Variants in CLNK observed in about 807,000 individuals in gnomAD.
CLNK encodes cytokine-dependent hematopoietic cell linker.
CLNK carries 74 observed loss-of-function variants against 68.6 expected under a neutral mutation model. The ratio of observed to expected loss-of-function variants is 1.08; its 90% CI spans 0.89 to 1.31. CLNK has a LOEUF of 1.31. Among genes scored for constraint, CLNK ranks in the 50% most tolerant of loss-of-function variants. CLNK has a pLI of 0.00. For missense variants in CLNK, 553 were observed against 515.3 expected (o/e 1.07, Z -0.71); for synonymous variants, 198 against 172.2 (o/e 1.15, Z -1.17).
chr4:10,539,288 T>C (rs1455197659), intron 11 of CLNK, among the ~76,000 whole-genome samples: 1 of 152,152 alleles, frequency 6.6e-6, no homozygotes, highest in Non-Finnish European at 1.5e-5. Flanking sequence ...TGTGGGGCTG[T>C]AATGGAGGAA....
chr4:10,672,901 C>G (rs571424527), intron 1 of CLNK, among the ~76,000 whole-genome samples: 1 of 152,330 alleles, frequency 6.6e-6, no homozygotes, highest in Admixed American at 6.5e-5. Flanking sequence ...ATCACATGTT[C>G]ATTCACCTTG....
At chr4:10,709,334 A>G in the CLNK span, among the ~76,000 whole-genome samples, 1 of 152,216 alleles carries the variant, frequency 6.6e-6, no homozygotes, top group African/African-American at 2.4e-5. Flanking sequence ...TGGGCACTGT[A>G]CTCAGAGTGA....
At chr4:10,614,234 C>T (rs1202236843) in intron 2 of CLNK, among the ~76,000 whole-genome samples, 4 of 152,196 alleles carry the variant, frequency 2.6e-5, no homozygotes, top group Non-Finnish European at 2.9e-5. Flanking sequence ...GGATGTTAGA[C>T]ATCTTGTGTG....
Position 10,627,880 on chromosome 4 carries a change from C to A in CLNK, c.12-29831G>T, listed in dbSNP as rs557886087. On this transcript the variant is annotated intron_variant, in intron 2 of 18. Coordinates refer to ENST00000226951, the MANE Select transcript of CLNK (RefSeq NM_052964.4). ...TCAGCTCCAGAACTTACTGAGAAAT[C>A]AGGCTTAGGTCAGGCCTCCCCATAA... 7.2e-5 allele frequency among the ~76,000 whole-genome samples: 11 copies of A among 152,290 alleles called. No homozygotes were observed. The South Asian group carries it at 2.1e-3, about 29-fold the overall frequency.
chr4:10,665,519 C>A (rs1486429705), intron 2 of CLNK, among the ~76,000 whole-genome samples: 25 of 151,906 alleles, frequency 1.6e-4, no homozygotes, highest in Admixed American at 1.5e-3. Flanking sequence ...GAAAAATTAG[C>A]CAGGCATGGT....
upstream of CLNK, chr4:10,685,105 C>T (rs543190307): frequency 1.1e-4 from 16 of 152,252 alleles, no homozygotes; most frequent in African/African-American, 3.4e-4. Context: ...TGGACATTAA[C>T]TATCATCTTT....
Position 10,525,888 on chromosome 4 carries a change from A to C in CLNK, c.684T>G (p.His228Gln). 1 of 1,582,442 alleles carries C rather than the reference A, an allele frequency of 6.3e-7. No homozygotes were observed. Among genetic ancestry groups the C allele is most frequent in the South Asian group, 1.2e-5 (1 of 86,362 alleles). The change falls in exon 14 of 19, where the codon CAT (histidine) becomes CAG (glutamine). Residue 228 changes from histidine (H) to glutamine (Q), a missense_variant. Physicochemically the swap from His to Gln is conservative, Grantham distance 24. Transcript: ENST00000226951. ...PHNQRKPEST[H>Q]LLENQNTQEI... ...CTTGAGTATTTTGGTTTTCTAACAG[A>C]TGAGTTGATTCAGGCTTCCTCTGGT...
chr4:10,696,450 T>C, the CLNK span, among the ~76,000 whole-genome samples: 6 of 152,216 alleles, frequency 3.9e-5, no homozygotes. Context: ...CATGAGATGC[T>C]TTAGGGCTTG....
upstream of CLNK, among the ~76,000 whole-genome samples, chr4:10,689,084 T>C (rs1725371961): frequency 6.6e-6 from 1 of 152,064 alleles, no homozygotes; most frequent in African/African-American, 2.4e-5. Flanking sequence ...TACCTAACCT[T>C]ACCACTTTCT....
rs1481345628 is a variant in CLNK at position 10,487,659 on chromosome 4, C to T, written c.*2808G>A. On this transcript the variant is annotated 3_prime_UTR_variant, in exon 19 of 19. Transcript: ENST00000226951. ...TTGTTTTTCTTTTTCCCAGGATAGC[C>T]CCAGACAATGACTTAACAGGATGGG... is the stretch of plus-strand genomic sequence containing the variant. The T allele has an allele frequency of 6.6e-6, 1 of 152,022 alleles. No individual in the cohort carries two copies. Among genetic ancestry groups the T allele is most frequent in the African/African-American group, 2.4e-5 (1 of 41,362 alleles). 9.4% of individuals were successfully genotyped at this position (152,022 alleles called of 1,614,324 possible). A position where few individuals can be genotyped will look rare whatever the true frequency, so the allele number is the denominator to read the frequency against.
At chr4:10,604,014 G>T (rs2531182) in intron 2 of CLNK, among the ~76,000 whole-genome samples, 104,065 of 152,026 alleles carry the variant, frequency 0.68, 36,533 homozygotes, top group East Asian at 0.77. Flanking sequence ...CTGAGGGCAG[G>T]TGTCCCCGGG....
intron 13 of CLNK, among the ~76,000 whole-genome samples, 198 bp from the exon 14 acceptor site, chr4:10,526,120 TTATAA>T (rs1718309145): frequency 6.6e-6 from 1 of 152,166 alleles, no homozygotes; most frequent in Admixed American, 6.5e-5. Flanking sequence ...TGCTCTGAGG[TTATAA>T]AAATCACTTT....
At chr4:10,561,092 G>T (rs1719871713) in intron 7 of CLNK, among the ~76,000 whole-genome samples, 1 of 151,444 alleles carries the variant, frequency 6.6e-6, no homozygotes, top group Non-Finnish European at 1.5e-5. Context: ...TTAGAGATGA[G>T]ATGTTACTAT....
intron 2 of CLNK, among the ~76,000 whole-genome samples, chr4:10,615,877 T>C (rs1722209438): frequency 1.3e-5 from 2 of 152,220 alleles, no homozygotes; most frequent in South Asian, 4.1e-4. Flanking sequence ...GCATTCAATG[T>C]CAGACCTGCA....
At chr4:10,671,537 A>G (rs2108896274) in intron 1 of CLNK, among the ~76,000 whole-genome samples, 1 of 152,334 alleles carries the variant, frequency 6.6e-6, no homozygotes, top group Non-Finnish European at 1.5e-5. Flanking sequence ...CCTTGAAAGC[A>G]CCATACTCTG....
At chr4:10,691,891 A>G in the CLNK span, among the ~76,000 whole-genome samples, 32 of 152,184 alleles carry the variant, frequency 2.1e-4, no homozygotes, top group Admixed American at 1.9e-3. Context: ...TTATTAATCT[A>G]TGGGTGGGAC....
Position 10,584,197 on chromosome 4 carries a change from T to C in CLNK, c.112+730A>G, listed in dbSNP as rs554798271. Among the ~76,000 whole-genome samples the C allele has an allele frequency of 1.6e-3, 247 of 152,362 alleles. 1 individual carries two copies. The highest frequency in any genetic ancestry group is 3.4e-3 in the Middle Eastern group (1 of 294). ...GCTTTTGCCCAGTTCTCCCAGCTGC[T>C]GGGTGGGACATGCTGAGTGCTGGTT... On this transcript the variant is annotated intron_variant, in intron 4 of 18. Coordinates refer to ENST00000226951, the MANE Select transcript of CLNK (RefSeq NM_052964.4).
intron 2 of CLNK, among the ~76,000 whole-genome samples, chr4:10,655,803 C>T (rs1292567868): frequency 2.0e-5 from 3 of 151,896 alleles, no homozygotes; most frequent in Non-Finnish European, 2.9e-5. Flanking sequence ...GCACCCACCA[C>T]CACGCCCAGC....
intron 1 of CLNK, among the ~76,000 whole-genome samples, chr4:10,681,299 T>G (rs1725083752): frequency 6.6e-6 from 1 of 152,200 alleles, no homozygotes; most frequent in South Asian, 2.1e-4. Flanking sequence ...CTGTGTGCCT[T>G]GGATACAATT....
Sources: gnomAD v4.1 joint callset for allele counts (sites outside exome capture counted in the v4.1 genomes callset) on GRCh38, gnomAD v4.1.1 for gene constraint, MANE v1.5 for transcripts, NCBI Gene and HGNC (gene_info 2026-07-23, HGNC 2026-07-21) for gene names.